The following KDM5D variants were observed in gnomAD, a reference collection of about 807,000 sequenced individuals.
KDM5D encodes the protein lysine demethylase 5D.
KDM5D carries 25 observed loss-of-function variants against 31.9 expected under a neutral mutation model. The observed-to-expected ratio is 0.78, with a 90% CI of 0.57 to 1.09. The LOEUF is 1.09. KDM5D is among the 50% of genes least tolerant of loss of function. The pLI, the probability that KDM5D is intolerant of heterozygous loss-of-function variation, is 0.00. For missense variants in KDM5D, 366 were observed against 341.6 expected (o/e 1.07, Z -0.56); for synonymous variants, 146 against 122.3 (o/e 1.19, Z -1.28).
chrY:19,721,718 T>C (rs2045396764), intron 11 of KDM5D: 2 of 35,842 alleles, frequency 5.6e-5, no homozygotes, highest in Admixed American at 2.4e-4. Flanking sequence ...TAAAAATCAG[T>C]GGTGTTTGTA....
chrY:19,714,121 T>C, intron 18 of KDM5D, among the ~76,000 whole-genome samples: 1 of 32,595 alleles, frequency 3.1e-5, no homozygotes, highest in Admixed American at 2.8e-4. Flanking sequence ...GACGCACGCA[T>C]AGAGGGAACA....
chrY:19,709,932 A>G, intron 19 of KDM5D, 123 bp from the exon 20 acceptor site: 1 of 346,834 alleles, frequency 2.9e-6, no homozygotes. Context: ...ATTCTCAACC[A>G]CATCCTAAAA....
chrY:19,742,394 G>C, intron 3 of KDM5D, among the ~76,000 whole-genome samples: 1 of 33,923 alleles, frequency 2.9e-5, no homozygotes, highest in Non-Finnish European at 7.3e-5. Context: ...TGTGAAGACT[G>C]AGTTGACTGC....
chrY:19,713,517 T>C, intron 18 of KDM5D, among the ~76,000 whole-genome samples: 1 of 33,614 alleles, frequency 3.0e-5, no homozygotes, highest in Non-Finnish European at 7.4e-5. Flanking sequence ...AACGGAGACA[T>C]ACATGCAGCC....
chrY:19,728,287 A>T (rs2045448174), intron 11 of KDM5D, among the ~76,000 whole-genome samples: 1 of 34,101 alleles, frequency 2.9e-5, no homozygotes, highest in Non-Finnish European at 7.3e-5. Context: ...ATCAAACCAC[A>T]TCCGTATATA....
chrY:19,738,573 T>C, intron 6 of KDM5D, among the ~76,000 whole-genome samples: 1 of 34,007 alleles, frequency 2.9e-5, no homozygotes, highest in African/African-American at 1.1e-4. Context: ...TTATTAAAAA[T>C]ATATTGTTTG....
chrY:19,727,569 C>CA (rs2045442798), intron 11 of KDM5D, among the ~76,000 whole-genome samples: 3 of 32,988 alleles, frequency 9.1e-5, no homozygotes, highest in Non-Finnish European at 2.2e-4. Flanking sequence ...CATCAGAAAA[C>CA]AAAAACAACA....
chrY:19,711,508 A>T, intron 18 of KDM5D, among the ~76,000 whole-genome samples: 2 of 30,857 alleles, frequency 6.5e-5, no homozygotes, highest in Non-Finnish European at 1.5e-4. Context: ...GTGAAACCCC[A>T]TCTCTACTAA....
chrY:19,706,916 A>T, intron 24 of KDM5D, 53 bp from the exon 25 acceptor site: 1 of 325,261 alleles, frequency 3.1e-6, no homozygotes, highest in Non-Finnish European at 4.6e-6. Context: ...ACCAGGTCCT[A>T]TCTTTCCTCC....
intron 11 of KDM5D, among the ~76,000 whole-genome samples, chrY:19,726,186 C>T (rs2045430893): frequency 3.0e-5 from 1 of 33,525 alleles, no homozygotes; most frequent in Admixed American, 2.7e-4. Context: ...ACCCAGCAAT[C>T]CCATTACTGG....
intron 3 of KDM5D, among the ~76,000 whole-genome samples, 193 bp from the exon 4 acceptor site, chrY:19,742,050 G>A: frequency 1.2e-4 from 4 of 33,339 alleles, no homozygotes; most frequent in African/African-American, 4.7e-4. Context: ...AATCTATAAA[G>A]AGCTAAGAAT....
chrY:19,714,385 C>G (rs768037801), intron 18 of KDM5D, among the ~76,000 whole-genome samples: 1 of 33,526 alleles, frequency 3.0e-5, no homozygotes, highest in East Asian at 7.8e-4. Context: ...TTTAACAAAG[C>G]CAAAGTGTAA....
intron 8 of KDM5D, among the ~76,000 whole-genome samples, chrY:19,732,962 G>C (rs2045483684): frequency 3.1e-5 from 1 of 32,696 alleles, no homozygotes; most frequent in African/African-American, 1.2e-4. Flanking sequence ...TTTTTATAGA[G>C]GTTCAACGGC....
Position 19,720,864 on chromosome Y carries a change from G to GT in KDM5D, c.1716+7dup, listed in dbSNP as rs759268779. On this transcript the variant is annotated splice_region_variant and intron_variant, in intron 13 of 26. Coordinates refer to ENST00000317961, the MANE Select transcript of KDM5D (RefSeq NM_004653.5). Reference sequence around the variant, plus strand: ...AAAATTAAAATTGTTTTGATCCTTGGTACTTACTGGCACACCATGGGACAT... The same window carrying GT: ...AAAATTAAAATTGTTTTGATCCTTGGTTACTTACTGGCACACCATGGGACAT... The GT allele has an allele frequency of 1.9e-4, 74 of 391,408 alleles. No homozygotes were observed. In the Admixed American group the frequency reaches 5.5e-3, roughly 29 times the overall value.
Position 19,708,096 on chromosome Y carries a change from G to A in KDM5D, c.3262-25C>T, listed in dbSNP as rs769392140. On this transcript the variant is annotated intron_variant, in intron 22 of 26. Coordinates refer to ENST00000317961, the MANE Select transcript of KDM5D (RefSeq NM_004653.5). ...CCTGAGGCAGGCAGGCAGACATACAGGAAATGACCAGGCTTCCCTCACCAA... is the reference window on the plus strand; with the variant it reads ...CCTGAGGCAGGCAGGCAGACATACAAGAAATGACCAGGCTTCCCTCACCAA... The A allele has an allele frequency of 1.1e-5, 4 of 379,457 alleles. No individual in the cohort carries two copies. The African/African-American group carries it at 2.6e-4, about 25-fold the overall frequency. 94.7% of individuals were successfully genotyped at this position (379,457 alleles called of 400,897 possible). A position where few individuals can be genotyped will look rare whatever the true frequency, so the allele number is the denominator to read the frequency against.
intron 11 of KDM5D, among the ~76,000 whole-genome samples, chrY:19,725,958 A>G: frequency 2.9e-5 from 1 of 34,053 alleles, no homozygotes; most frequent in Non-Finnish European, 7.3e-5. Context: ...AGAGCTCATC[A>G]TCACTGGTCA....
At chrY:19,742,585 G>A (rs1274432253) in intron 3 of KDM5D, among the ~76,000 whole-genome samples, 1 of 34,296 alleles carries the variant, frequency 2.9e-5, no homozygotes. Flanking sequence ...AGCACTTTAG[G>A]AGGCCAAGGC....
At chrY:19,724,315 T>C in intron 11 of KDM5D, among the ~76,000 whole-genome samples, 1 of 33,284 alleles carries the variant, frequency 3.0e-5, no homozygotes, top group Admixed American at 2.7e-4. Context: ...AGTTTACCTA[T>C]GTAATAAAAC....
rs746552651 is a variant in KDM5D, at chrY:19,705,354, T to C, written c.*641A>G. The C allele has an allele frequency of 3.0e-5, 1 of 33,883 alleles. No homozygotes were observed. Among genetic ancestry groups the C allele is most frequent in the African/African-American group, 1.2e-4 (1 of 8,686 alleles). The allele number at this position is 33,883 out of a possible 400,897, so 8.5% of individuals were successfully genotyped here. A position where few individuals can be genotyped will look rare whatever the true frequency, so the allele number is the denominator to read the frequency against. On this transcript the variant is annotated 3_prime_UTR_variant, in exon 27 of 27. Transcript: ENST00000317961. ...GACTATTAAAAATTACGTTGACCCA[T>C]GCTACTGTTGTTTCCTAACCTCAGT...
Sources: gnomAD v4.1 joint callset for allele counts (sites outside exome capture counted in the v4.1 genomes callset) on GRCh38, gnomAD v4.1.1 for gene constraint, MANE v1.5 for transcripts, NCBI Gene and HGNC (gene_info 2026-07-23, HGNC 2026-07-21) for gene names.